The following DAB1 variants were observed in gnomAD, a reference collection of about 807,000 sequenced individuals.
DAB1 encodes the protein DAB adaptor protein 1.
DAB1 carries 15 observed loss-of-function variants against 64.6 expected under a neutral mutation model. The observed-to-expected ratio is 0.23, with a 90% CI of 0.16 to 0.36. The LOEUF is 0.36. Among genes scored for constraint, DAB1 ranks in the 10% least tolerant of loss-of-function variants. The pLI, the probability that DAB1 is intolerant of heterozygous loss-of-function variation, is 1.00. For missense variants in DAB1, 596 were observed against 706.7 expected (o/e 0.84, Z 1.78); for synonymous variants, 235 against 251.9 (o/e 0.93, Z 0.64).
At chr1:57,031,181 C>A (rs771651714) in intron 9 of DAB1, among the ~76,000 whole-genome samples, 1 of 152,108 alleles carries the variant, frequency 6.6e-6, no homozygotes, top group Non-Finnish European at 1.5e-5. Context: ...CATTGGTTTG[C>A]TGTTTAAATA....
chr1:57,882,704 A>G (rs75283586), intron 1 of DAB1, among the ~76,000 whole-genome samples: 1,936 of 152,288 alleles, frequency 0.013, 42 homozygotes, highest in African/African-American at 0.045. Context: ...CCCATGAAAC[A>G]AAAGGAAACA....
intron 7 of DAB1, among the ~76,000 whole-genome samples, chr1:57,488,386 A>G (rs1644119561): frequency 7.6e-6 from 1 of 131,738 alleles, no homozygotes; most frequent in African/African-American, 3.0e-5. Flanking sequence ...TGGGCGACAG[A>G]GCCAGATTCC....
At chr1:58,156,904 A>T (rs116669293) in intron 4 of DAB1, among the ~76,000 whole-genome samples, 161 of 152,314 alleles carry the variant, frequency 1.1e-3, no homozygotes, top group African/African-American at 3.8e-3. Context: ...GTACTAGCTA[A>T]TTACAAGAGC....
At chr1:58,239,929 C>A (rs1051075077) in intron 4 of DAB1, among the ~76,000 whole-genome samples, 4 of 152,190 alleles carry the variant, frequency 2.6e-5, no homozygotes, top group Non-Finnish European at 5.9e-5. Flanking sequence ...AAATTCTCTT[C>A]CCTGCATTTC....
chr1:58,041,177 G>A (rs2100504291), intron 5 of DAB1, among the ~76,000 whole-genome samples: 1 of 152,258 alleles, frequency 6.6e-6, no homozygotes, highest in African/African-American at 2.4e-5. Context: ...TTCCTATTGA[G>A]CAGACCCAGG....
chr1:57,236,126 A>G (rs1307754756), intron 2 of DAB1, among the ~76,000 whole-genome samples: 9 of 152,194 alleles, frequency 5.9e-5, no homozygotes, highest in African/African-American at 2.4e-5. Context: ...TGGGTACCCA[A>G]AGGCTTTTAC....
chr1:57,104,076 G>GT (rs889278561), intron 4 of DAB1, among the ~76,000 whole-genome samples: 4 of 152,184 alleles, frequency 2.6e-5, no homozygotes, highest in African/African-American at 9.6e-5. Context: ...GGTTATGGGG[G>GT]TGAGAAGGCA....
chr1:58,097,636 C>G (rs909246440), intron 5 of DAB1, among the ~76,000 whole-genome samples: 2 of 151,900 alleles, frequency 1.3e-5, no homozygotes, highest in Non-Finnish European at 2.9e-5. Context: ...GATAATGAGA[C>G]CTTAAGGCAA....
intron 7 of DAB1, among the ~76,000 whole-genome samples, chr1:57,584,708 C>T (rs1389711410): frequency 1.3e-5 from 2 of 152,210 alleles, no homozygotes; most frequent in African/African-American, 2.4e-5. Flanking sequence ...AAATGCAGAA[C>T]ATTCTCTAGA....
intron 4 of DAB1, among the ~76,000 whole-genome samples, chr1:58,178,042 T>C (rs1306804302): frequency 1.3e-5 from 2 of 152,188 alleles, no homozygotes; most frequent in Non-Finnish European, 2.9e-5. Context: ...GCCTTTGAAA[T>C]AGAAAGTGTA....
chr1:57,189,845 GAA>G (rs34251961), intron 2 of DAB1, among the ~76,000 whole-genome samples: 1,389 of 136,692 alleles, frequency 0.01, 3 homozygotes, highest in Non-Finnish European at 0.013. Context: ...AAGGGAAGGG[GAA>G]AAAAAAAAAA....
chr1:57,677,893 A>G (rs1300308859), intron 6 of DAB1, among the ~76,000 whole-genome samples: 1 of 152,172 alleles, frequency 6.6e-6, no homozygotes, highest in Non-Finnish European at 1.5e-5. Context: ...ATATTTGTCC[A>G]CGGGTATCAT....
chr1:57,108,070 T>C (rs774808918), intron 4 of DAB1, among the ~76,000 whole-genome samples: 1 of 152,190 alleles, frequency 6.6e-6, no homozygotes, highest in Non-Finnish European at 1.5e-5. Context: ...TATGTCTTTT[T>C]TCCTGTATCT....
chr1:57,858,793 G>A (rs1194225788), intron 1 of DAB1, among the ~76,000 whole-genome samples: 1 of 149,608 alleles, frequency 6.7e-6, no homozygotes. Context: ...CATTCTAGAT[G>A]GGCTGAGATT....
chr1:57,803,442 C>T (rs1651221895), intron 6 of DAB1, among the ~76,000 whole-genome samples: 1 of 152,214 alleles, frequency 6.6e-6, no homozygotes, highest in Admixed American at 6.5e-5. Context: ...TTGGGGAACC[C>T]ATACAGAAGC....
chr1:57,378,273 T>C (rs1277303086), intron 1 of DAB1, among the ~76,000 whole-genome samples: 2 of 152,174 alleles, frequency 1.3e-5, no homozygotes, highest in Non-Finnish European at 2.9e-5. Context: ...GGGATGGCCA[T>C]TATATTATCA....
intron 1 of DAB1, among the ~76,000 whole-genome samples, chr1:57,874,824 T>C (rs1393465682): frequency 6.6e-6 from 1 of 151,900 alleles, no homozygotes; most frequent in African/African-American, 2.4e-5. Flanking sequence ...ACTAAGAATG[T>C]GGGAAATGCA....
intron 2 of DAB1, among the ~76,000 whole-genome samples, chr1:57,211,476 G>A (rs1666001784): frequency 6.6e-6 from 1 of 152,100 alleles, no homozygotes. Flanking sequence ...GGAAGTGAGA[G>A]GTGCTGCATT....
chr1:58,328,265 A>AT (rs1662883400), intron 4 of DAB1, among the ~76,000 whole-genome samples: 1 of 152,124 alleles, frequency 6.6e-6, no homozygotes, highest in Admixed American at 6.5e-5. Flanking sequence ...CGCAGCTCCT[A>AT]TTTTTATGAA....
Sources: allele counts gnomAD v4.1 joint callset (sites outside exome capture counted in the v4.1 genomes callset), GRCh38; gene constraint gnomAD v4.1.1; transcripts MANE v1.5; gene names NCBI Gene and HGNC (gene_info 2026-07-23, HGNC 2026-07-21).